TUSC3: variants seen among roughly 807,000 people sequenced by gnomAD.
TUSC3 encodes the protein dolichyl-diphosphooligosaccharide--protein glycosyltransferase subunit TUSC3.
Under a neutral mutation model 44.8 loss-of-function variants are expected in TUSC3, and 45 were observed. The observed-to-expected ratio is 1.00, with a 90% CI of 0.79 to 1.29. The LOEUF (loss-of-function observed/expected upper bound fraction) is 1.29. Among genes scored for constraint, TUSC3 ranks in the 50% most tolerant of loss-of-function variants. The pLI is 0.00. For missense variants in TUSC3, 519 were observed against 437.9 expected (o/e 1.19, Z -1.65); for synonymous variants, 212 against 152.9 (o/e 1.39, Z -2.85).
At chr8:15,710,612 G>A (rs1040202136) in intron 6 of TUSC3, among the ~76,000 whole-genome samples, 1 of 151,680 alleles carries the variant, frequency 6.6e-6, no homozygotes, top group African/African-American at 2.4e-5. Context: ...GAGGTTGGCT[G>A]AGCAAACCCC....
chr8:15,657,631 A>G (rs779235197), intron 3 of TUSC3, among the ~76,000 whole-genome samples: 53 of 152,192 alleles, frequency 3.5e-4, no homozygotes, highest in South Asian at 4.1e-4. Flanking sequence ...AGCCCTCTCT[A>G]GAATCACCCT....
chr8:15,618,697 C>G (rs941496065), intron 1 of TUSC3, among the ~76,000 whole-genome samples: 5 of 152,158 alleles, frequency 3.3e-5, no homozygotes, highest in African/African-American at 1.2e-4. Context: ...ATAGTAAATA[C>G]ATAAAACCAG....
chr8:15,791,716 AT>A, the TUSC3 span, among the ~76,000 whole-genome samples: 42 of 152,188 alleles, frequency 2.8e-4, no homozygotes, highest in Non-Finnish European at 1.3e-4. Context: ...AAGAAACTTC[AT>A]TTAAGCTCTG....
chr8:15,738,440 G>T (rs559033363), intron 7 of TUSC3, among the ~76,000 whole-genome samples: 65 of 152,106 alleles, frequency 4.3e-4, no homozygotes, highest in Non-Finnish European at 8.2e-4. Context: ...AATCCAACCT[G>T]CCTGCTATTT....
intron 1 of TUSC3, chr8:15,417,353 ATTTC>A (rs1336633066): frequency 1.3e-5 from 2 of 152,228 alleles, no homozygotes; most frequent in Non-Finnish European, 2.9e-5. Context: ...AGTCTCAGGT[ATTTC>A]TTTATAAAAG....
intron 1 of TUSC3, among the ~76,000 whole-genome samples, chr8:15,618,957 C>T (rs1000036720): frequency 6.6e-5 from 10 of 152,116 alleles, no homozygotes; most frequent in Non-Finnish European, 1.0e-4. Flanking sequence ...AACATCACTG[C>T]GACACATGAC....
chr8:15,659,650 A>G lies in TUSC3; in HGVS notation c.567+3A>G. The G allele has an allele frequency of 3.7e-6, 6 of 1,612,302 alleles. No individual in the cohort carries two copies. The highest frequency in any genetic ancestry group is 3.4e-6 in the Non-Finnish European group (4 of 1,179,370). On this transcript the variant is annotated splice_donor_region_variant and intron_variant, in intron 4 of 10. Coordinates refer to ENST00000503731, the MANE Select transcript of TUSC3 (RefSeq NM_006765.4). ...TTGCTGACAGAACGGATGTTCATGT[A>G]TGTTTTTATTCCTCACAGTTTTAAT...
intron 6 of TUSC3, among the ~76,000 whole-genome samples, chr8:15,687,649 C>T (rs542857620): frequency 2.0e-5 from 3 of 152,210 alleles, no homozygotes; most frequent in East Asian, 1.9e-4. Context: ...CTTACACTTC[C>T]CTTCAACTGT....
At chr8:15,497,748 T>G (rs1800902451) in intron 2 of TUSC3, among the ~76,000 whole-genome samples, 2 of 144,990 alleles carry the variant, frequency 1.4e-5, no homozygotes, top group Non-Finnish European at 1.5e-5. Flanking sequence ...CTTTTTTTTT[T>G]CTTTTTCTTT....
chr8:15,467,771 C>G (rs1800432635), intron 1 of TUSC3, among the ~76,000 whole-genome samples: 1 of 152,212 alleles, frequency 6.6e-6, no homozygotes, highest in Non-Finnish European at 1.5e-5. Flanking sequence ...CGTTTGTTCT[C>G]TGTCTTTCTT....
chr8:15,588,599 C>G (rs1477597055), intron 1 of TUSC3, among the ~76,000 whole-genome samples: 3 of 152,008 alleles, frequency 2.0e-5, no homozygotes, highest in South Asian at 4.1e-4. Context: ...GTTGTCTGTG[C>G]TTTTGAAGTC....
chr8:15,821,376 G>A, the TUSC3 span, among the ~76,000 whole-genome samples: 1 of 37,760 alleles, frequency 2.6e-5, no homozygotes, highest in Non-Finnish European at 7.4e-5. Context: ...TTTTTTTTTT[G>A]GATTGGGGAG....
intron 1 of TUSC3, among the ~76,000 whole-genome samples, chr8:15,427,800 G>C (rs985035329): frequency 6.6e-6 from 1 of 151,972 alleles, no homozygotes; most frequent in Non-Finnish European, 1.5e-5. Flanking sequence ...CCTGTGCTTT[G>C]TTGTCATACT....
At chr8:15,725,087 A>T (rs951567073) in intron 6 of TUSC3, among the ~76,000 whole-genome samples, 2 of 152,188 alleles carry the variant, frequency 1.3e-5, no homozygotes, top group African/African-American at 4.8e-5. Context: ...AAAATAAGTT[A>T]TAATTTTAAA....
intron 1 of TUSC3, among the ~76,000 whole-genome samples, chr8:15,618,701 A>C (rs370551130): frequency 1.3e-5 from 2 of 152,228 alleles, no homozygotes; most frequent in African/African-American, 4.8e-5. Context: ...TAAATACATA[A>C]AACCAGTAAC....
At chr8:15,803,878 C>T in the TUSC3 span, among the ~76,000 whole-genome samples, 2 of 152,144 alleles carry the variant, frequency 1.3e-5, no homozygotes, top group African/African-American at 4.8e-5. Flanking sequence ...AGGACATGAA[C>T]TCATTCTTTT....
intron 1 of TUSC3, among the ~76,000 whole-genome samples, chr8:15,545,110 G>A (rs1427212624): frequency 6.6e-6 from 1 of 151,558 alleles, no homozygotes; most frequent in Non-Finnish European, 1.5e-5. Flanking sequence ...AATTCAGAGA[G>A]TTTGTCATAT....
chr8:15,703,445 C>G (rs559388085), intron 6 of TUSC3, among the ~76,000 whole-genome samples: 2 of 152,042 alleles, frequency 1.3e-5, no homozygotes, highest in Non-Finnish European at 2.9e-5. Context: ...ATTTTTTAAA[C>G]ATTCATTAGT....
At chr8:15,502,786 A>C (rs545220563) in intron 2 of TUSC3, among the ~76,000 whole-genome samples, 1 of 152,290 alleles carries the variant, frequency 6.6e-6, no homozygotes, top group Admixed American at 6.5e-5. Flanking sequence ...CTACCACAGC[A>C]GGTCCCTTAG....
Sources: allele counts gnomAD v4.1 joint callset (sites outside exome capture counted in the v4.1 genomes callset), GRCh38; gene constraint gnomAD v4.1.1; transcripts MANE v1.5; gene names NCBI Gene and HGNC (gene_info 2026-07-23, HGNC 2026-07-21).